LHFPL3: variants seen among roughly 807,000 people sequenced by gnomAD.
LHFPL3 encodes LHFPL tetraspan subfamily member 3, also known as LHFPL tetraspan subfamily member 3 protein.
A neutral mutation model predicts 19.3 loss-of-function variants in LHFPL3; 5 were observed. That is an observed-to-expected ratio of 0.26 (90% CI 0.14 to 0.54). The LOEUF is 0.54. Ranked by LOEUF, LHFPL3 falls within the 20% of genes least tolerant of loss-of-function variation. The pLI is 0.94. For synonymous variants in LHFPL3, 133 were observed against 126.2 expected (o/e 1.05, Z -0.36); for missense variants, 249 against 307.4 (o/e 0.81, Z 1.42).
chr7:104,787,777 G>A (rs1789948159), intron 2 of LHFPL3, among the ~76,000 whole-genome samples: 1 of 152,086 alleles, frequency 6.6e-6, no homozygotes. Flanking sequence ...AAACTCCTGG[G>A]TTCCTCCTGC....
intron 2 of LHFPL3, among the ~76,000 whole-genome samples, chr7:104,842,296 G>T (rs187891978): frequency 1.4e-4 from 20 of 140,812 alleles, no homozygotes; most frequent in South Asian, 8.0e-4. Context: ...TTGCGGGGGT[G>T]GGGGGGTGGG....
chr7:104,731,712 T>C (rs1793708875), intron 1 of LHFPL3, among the ~76,000 whole-genome samples: 1 of 151,852 alleles, frequency 6.6e-6, no homozygotes, highest in Non-Finnish European at 1.5e-5. Flanking sequence ...GAATACCCTT[T>C]ATTTCTTTCT....
intron 2 of LHFPL3, among the ~76,000 whole-genome samples, chr7:104,755,521 C>CTCTG (rs1308464154): frequency 3.9e-5 from 6 of 152,060 alleles, no homozygotes; most frequent in South Asian, 2.1e-4. Context: ...CTCTCTGTCT[C>CTCTG]TCTGTCTGTC....
At chr7:104,329,405 C>T (rs1233929500) in intron 1 of LHFPL3, among the ~76,000 whole-genome samples, 181 bp downstream of exon 1, 1 of 152,166 alleles carries the variant, frequency 6.6e-6, no homozygotes. Context: ...GGTTCCCCAG[C>T]CCCGGCGCTG....
intron 2 of LHFPL3, among the ~76,000 whole-genome samples, chr7:104,771,714 A>G (rs924469776): frequency 6.7e-6 from 1 of 148,852 alleles, no homozygotes; most frequent in Admixed American, 6.9e-5. Context: ...TTTGTTTACT[A>G]CCCTCTCCAG....
chr7:104,666,645 C>T (rs1295509411), intron 1 of LHFPL3, among the ~76,000 whole-genome samples: 2 of 146,126 alleles, frequency 1.4e-5, no homozygotes, highest in East Asian at 4.1e-4. Context: ...CCTCAGCCTC[C>T]CAAGTAGCTG....
intron 1 of LHFPL3, among the ~76,000 whole-genome samples, chr7:104,608,014 G>A (rs541476658): frequency 1.2e-4 from 18 of 152,320 alleles, no homozygotes; most frequent in African/African-American, 4.3e-4. Flanking sequence ...CTGAGAGGAT[G>A]TGGAGAAATA....
At chr7:104,792,295 A>T (rs1473995764) in intron 2 of LHFPL3, among the ~76,000 whole-genome samples, 1 of 152,180 alleles carries the variant, frequency 6.6e-6, no homozygotes, top group Non-Finnish European at 1.5e-5. Flanking sequence ...ATAAAAATAA[A>T]AACAAAAATT....
Position 104,328,772 on chromosome 7 carries a change from G to T in LHFPL3, c.-8G>T. The stretch of plus-strand genomic sequence containing the variant: ...AGGAGGAGGAGGAGGAGGAGGAGGA[G>T]GGGGAGAATGCCCGGAGCCGCCGCC... On this transcript the variant is annotated 5_prime_UTR_variant, in exon 1 of 3. It adds an upstream start codon to the 5' untranslated region. Coordinates refer to ENST00000424859, the MANE Select transcript of LHFPL3 (RefSeq NM_199000.3). The surrounding 1 kb of genome is among the most constrained non-coding windows in gnomAD (Gnocchi z 4.6). 1 of 1,572,896 alleles carries T rather than the reference G, an allele frequency of 6.4e-7. No homozygotes were observed. The highest frequency in any genetic ancestry group is 8.6e-7 in the Non-Finnish European group (1 of 1,159,562).
chr7:104,884,866 A>G (rs1272563368), intron 2 of LHFPL3, among the ~76,000 whole-genome samples: 1 of 152,190 alleles, frequency 6.6e-6, no homozygotes, highest in Non-Finnish European at 1.5e-5. Context: ...GCCTAGAATC[A>G]CCTGAAATTC....
Position 104,328,717 on chromosome 7 carries a change from G to T in LHFPL3, c.-63G>T. The T allele has an allele frequency of 7.0e-7, 1 of 1,435,280 alleles. No homozygotes were observed. Among genetic ancestry groups the T allele is most frequent in the Non-Finnish European group, 9.4e-7 (1 of 1,058,224 alleles). 88.9% of individuals were successfully genotyped at this position (1,435,280 alleles called of 1,614,324 possible). On this transcript the variant is annotated 5_prime_UTR_variant, in exon 1 of 3. Transcript: ENST00000424859. This position sits in a 1 kb window ranked among gnomAD's most constrained non-coding sequence, Gnocchi z 4.6. ...GAGGCTCCGTGAGTGTGTCTCCTGCGCGCTGAGAGGCGGGGGGAGGCGGAG... is the reference window on the plus strand; with the variant it reads ...GAGGCTCCGTGAGTGTGTCTCCTGCTCGCTGAGAGGCGGGGGGAGGCGGAG...
intron 1 of LHFPL3, among the ~76,000 whole-genome samples, chr7:104,706,215 C>A (rs4730038): frequency 0.44 from 66,460 of 151,840 alleles, 15,729 homozygotes; most frequent in East Asian, 0.69. Context: ...CATCTGACCA[C>A]ACCAAATGTA....
At position 104,854,342 on chromosome 7, in the gene LHFPL3, T is replaced by C. The variant is rs998851363; in HGVS notation, c.683-51845T>C. ...CTTAGAGTCATCCTTCTTTACTCAA[T>C]ACAGAAGTTCACCCTCATGAATGGA... On this transcript the variant is annotated intron_variant, in intron 2 of 2. Transcript: ENST00000424859. Among the ~76,000 whole-genome samples the C allele has an allele frequency of 1.6e-4, 24 of 152,244 alleles. 1 individual carries two copies. The highest frequency in any genetic ancestry group is 5.3e-4 in the African/African-American group (22 of 41,464).
At chr7:104,615,830 A>G (rs1791324812) in intron 1 of LHFPL3, among the ~76,000 whole-genome samples, 1 of 152,042 alleles carries the variant, frequency 6.6e-6, no homozygotes, top group Non-Finnish European at 1.5e-5. Flanking sequence ...AGCTTCATCC[A>G]TGTCCCTGCA....
rs1793778423 is a variant in LHFPL3 at position 104,509,935 on chromosome 7, C to T, written c.445+180711C>T. On this transcript the variant is annotated intron_variant, in intron 1 of 2. Coordinates refer to ENST00000424859, the MANE Select transcript of LHFPL3 (RefSeq NM_199000.3). ...ACATATAAAAATCAATTGTATTTTA[C>T]ATATTAACAATCAACATGGGATATC... Among the ~76,000 whole-genome samples the T allele has an allele frequency of 2.6e-5, 4 of 151,966 alleles. No homozygotes were observed. The South Asian group carries it at 8.3e-4, about 31-fold the overall frequency.
At chr7:104,528,663 A>G (rs1794235382) in intron 1 of LHFPL3, among the ~76,000 whole-genome samples, 1 of 152,212 alleles carries the variant, frequency 6.6e-6, no homozygotes, top group Admixed American at 6.5e-5. Context: ...AAATGTTCCA[A>G]TAATGTGGAA....
intron 1 of LHFPL3, among the ~76,000 whole-genome samples, chr7:104,549,070 A>G (rs1054611163): frequency 6.6e-6 from 1 of 152,138 alleles, no homozygotes; most frequent in Admixed American, 6.5e-5. Flanking sequence ...ACAGGTTGAG[A>G]TAGGAATTTA....
At chr7:104,563,478 A>G (rs1003676999) in intron 1 of LHFPL3, among the ~76,000 whole-genome samples, 3 of 152,298 alleles carry the variant, frequency 2.0e-5, no homozygotes, top group African/African-American at 4.8e-5. Context: ...TCTTTGACTC[A>G]GAAAGGGAAC....
chr7:104,400,751 A>G (rs1180836431), intron 1 of LHFPL3, among the ~76,000 whole-genome samples: 1 of 152,220 alleles, frequency 6.6e-6, no homozygotes, highest in Non-Finnish European at 1.5e-5. Context: ...AGCCACAAGC[A>G]TTTCAAAATT....
Sources: gnomAD v4.1 joint callset for allele counts (sites outside exome capture counted in the v4.1 genomes callset) on GRCh38, gnomAD v4.1.1 for gene constraint, Gnocchi (gnomAD v3.1) non-coding constraint, MANE v1.5 for transcripts, NCBI Gene and HGNC (gene_info 2026-07-23, HGNC 2026-07-21) for gene names.